Variants in NRXN3 observed in about 807,000 individuals in gnomAD.
NRXN3 encodes neurexin III.
Under a neutral mutation model 137.6 loss-of-function variants are expected in NRXN3, and 32 were observed. The observed-to-expected ratio is 0.23, with a 90% CI of 0.18 to 0.31. The LOEUF is 0.31. NRXN3 is among the 10% of genes least tolerant of loss of function. NRXN3 has a pLI of 1.00. For synonymous variants in NRXN3, 798 were observed against 784.5 expected, an observed-to-expected ratio of 1.02 and a Z score of -0.29; for missense variants, 1,574 against 2,062.5, an observed-to-expected ratio of 0.76 and a Z score of 4.59.
At chr14:78,453,694 C>T (rs1040601838) in intron 4 of NRXN3, among the ~76,000 whole-genome samples, 1 of 152,102 alleles carries the variant, frequency 6.6e-6, no homozygotes, top group Non-Finnish European at 1.5e-5. Context: ...ATCGAGTTAA[C>T]GTGAGGTCAT....
chr14:79,777,786 A>G (rs554963923), intron 19 of NRXN3, among the ~76,000 whole-genome samples: 1 of 151,806 alleles, frequency 6.6e-6, no homozygotes, highest in East Asian at 1.9e-4. Flanking sequence ...AGATATATAA[A>G]TTATTTTAAT....
chr14:78,356,944 T>C (rs973487371), intron 4 of NRXN3, among the ~76,000 whole-genome samples: 1 of 152,200 alleles, frequency 6.6e-6, no homozygotes, highest in Non-Finnish European at 1.5e-5. Context: ...AAATTTTCCC[T>C]ATATGGCAGG....
At chr14:79,097,167 C>G (rs1006731507) in intron 15 of NRXN3, among the ~76,000 whole-genome samples, 2 of 152,056 alleles carry the variant, frequency 1.3e-5, no homozygotes, top group African/African-American at 4.8e-5. Flanking sequence ...CACTTATCAC[C>G]TGCAACATGC....
intron 10 of NRXN3, among the ~76,000 whole-genome samples, chr14:78,834,711 T>C (rs1191184782): frequency 6.6e-6 from 1 of 152,110 alleles, no homozygotes; most frequent in Non-Finnish European, 1.5e-5. Context: ...TTCCTGAATT[T>C]CCTCTGCCTT....
chr14:78,822,757 A>G (rs1197013153), intron 10 of NRXN3, among the ~76,000 whole-genome samples: 3 of 152,016 alleles, frequency 2.0e-5, no homozygotes, highest in Non-Finnish European at 4.4e-5. Context: ...GTCATATGGA[A>G]TGTTTTGCCT....
At chr14:79,433,537 A>G (rs759581676) in intron 15 of NRXN3, among the ~76,000 whole-genome samples, 5 of 152,272 alleles carry the variant, frequency 3.3e-5, no homozygotes, top group Admixed American at 1.3e-4. Flanking sequence ...ACTTAGGTAA[A>G]TAGCAGTGGG....
chr14:78,581,570 A>G (rs1372661189), intron 4 of NRXN3, among the ~76,000 whole-genome samples: 2 of 152,250 alleles, frequency 1.3e-5, no homozygotes, highest in Non-Finnish European at 2.9e-5. Flanking sequence ...TTTAGGCGAC[A>G]ATCAGACCAT....
chr14:78,661,887 A>G, intron 6 of NRXN3, among the ~76,000 whole-genome samples: 1 of 150,604 alleles, frequency 6.6e-6, no homozygotes, highest in African/African-American at 2.4e-5. Context: ...TTTTTCTGAG[A>G]CAGTTTTTTT....
intron 6 of NRXN3, among the ~76,000 whole-genome samples, chr14:78,680,384 T>G (rs1337333032): frequency 2.0e-5 from 3 of 152,056 alleles, no homozygotes; most frequent in Admixed American, 6.6e-5. Flanking sequence ...AAAAGTTAAA[T>G]AAAGAAAAGA....
chr14:78,362,987 A>G (rs2085358890), intron 4 of NRXN3, among the ~76,000 whole-genome samples: 1 of 152,184 alleles, frequency 6.6e-6, no homozygotes, highest in African/African-American at 2.4e-5. Context: ...GATTTGCACC[A>G]AGTGAGTCCT....
intron 4 of NRXN3, among the ~76,000 whole-genome samples, chr14:78,573,732 C>T (rs1388195453): frequency 6.6e-6 from 1 of 152,010 alleles, no homozygotes; most frequent in Non-Finnish European, 1.5e-5. Context: ...GTAAGCAGAG[C>T]ATAAAAGTTT....
chr14:79,521,582 A>G (rs1168850074), intron 16 of NRXN3, among the ~76,000 whole-genome samples: 1 of 152,184 alleles, frequency 6.6e-6, no homozygotes. Context: ...TAATACAGAA[A>G]AAAACATGCA....
At chr14:79,317,771 G>A (rs1004130243) in intron 15 of NRXN3, among the ~76,000 whole-genome samples, 6 of 152,072 alleles carry the variant, frequency 3.9e-5, no homozygotes, top group African/African-American at 1.4e-4. Flanking sequence ...TATTTTAATC[G>A]TATTCCTTTA....
chr14:79,149,658 A>G (rs1436130832), intron 15 of NRXN3, among the ~76,000 whole-genome samples: 2 of 152,128 alleles, frequency 1.3e-5, no homozygotes, highest in East Asian at 3.9e-4. Flanking sequence ...CATATACACC[A>G]TGGAATACTA....
intron 20 of NRXN3, among the ~76,000 whole-genome samples, chr14:79,828,393 G>A (rs903767174): frequency 1.3e-5 from 2 of 151,994 alleles, no homozygotes; most frequent in Non-Finnish European, 2.9e-5. Context: ...GCTGAGGTGG[G>A]CGGATCACCT....
At chr14:78,450,212 G>A (rs2094519058) in intron 4 of NRXN3, among the ~76,000 whole-genome samples, 1 of 152,210 alleles carries the variant, frequency 6.6e-6, no homozygotes, top group Non-Finnish European at 1.5e-5. Context: ...CATTTGTACT[G>A]TTATTGTTAG....
At position 79,668,928 on chromosome 14, in the gene NRXN3, A is replaced by AT. The variant is rs919680894; in HGVS notation, c.3616+4989dup. On this transcript the variant is annotated intron_variant, in intron 17 of 20. Coordinates refer to ENST00000335750, the MANE Select transcript of NRXN3 (RefSeq NM_001330195.2). Reference sequence around the variant, plus strand: ...GACAGTATACATCGGTATAAGAAAGATTTTTTTTTTGTCCACATCTCTTCC... The same window carrying AT: ...GACAGTATACATCGGTATAAGAAAGATTTTTTTTTTTGTCCACATCTCTTCC... 2.7e-4 allele frequency among the ~76,000 whole-genome samples: 40 copies of AT among 150,212 alleles called. 1 individual carries two copies. The highest frequency in any genetic ancestry group is 3.4e-4 in the African/African-American group (14 of 41,076).
chr14:78,267,281 C>G (rs1432695230), intron 2 of NRXN3, among the ~76,000 whole-genome samples: 11 of 152,154 alleles, frequency 7.2e-5, no homozygotes, highest in Non-Finnish European at 2.9e-5. Flanking sequence ...TATCTAAGGT[C>G]ACATAATGAA....
chr14:79,211,925 G>A (rs2067726261), intron 15 of NRXN3, among the ~76,000 whole-genome samples: 1 of 152,140 alleles, frequency 6.6e-6, no homozygotes, highest in African/African-American at 2.4e-5. Context: ...GAACATTAAG[G>A]AATTAAAACA....
Sources: gnomAD v4.1 joint callset for allele counts (sites outside exome capture counted in the v4.1 genomes callset) on GRCh38, gnomAD v4.1.1 for gene constraint, MANE v1.5 for transcripts, NCBI Gene and HGNC (gene_info 2026-07-23, HGNC 2026-07-21) for gene names.